The following UHMK1 variants were observed in gnomAD, a reference collection of about 807,000 sequenced individuals.
UHMK1 encodes the protein serine/threonine-protein kinase Kist.
UHMK1 carries 18 observed loss-of-function variants against 44.0 expected under a neutral mutation model. The ratio of observed to expected loss-of-function variants is 0.41; its 90% confidence interval spans 0.28 to 0.61. The LOEUF (loss-of-function observed/expected upper bound fraction) is 0.61. Among genes scored for constraint, UHMK1 ranks in the 20% least tolerant of loss-of-function variants. The pLI is 0.31. For missense variants in UHMK1, 463 were observed against 522.5 expected, an observed-to-expected ratio of 0.89 and a Z score of 1.11; for synonymous variants, 231 against 198.5, an observed-to-expected ratio of 1.16 and a Z score of -1.38.
intron 7 of UHMK1, among the ~76,000 whole-genome samples, chr1:162,520,327 T>A (rs755044550): frequency 6.6e-6 from 1 of 152,240 alleles, no homozygotes; most frequent in Non-Finnish European, 1.5e-5. Context: ...TAGTTTTACA[T>A]TTAGTATCAC....
At chr1:162,516,275 C>A (rs925357334) in intron 6 of UHMK1, among the ~76,000 whole-genome samples, 1 of 152,138 alleles carries the variant, frequency 6.6e-6, no homozygotes, top group African/African-American at 2.4e-5. Context: ...ACAGGGTCAT[C>A]ATGAAATAAC....
chr1:162,519,457 A>G (rs540639811), intron 7 of UHMK1, among the ~76,000 whole-genome samples: 1 of 152,314 alleles, frequency 6.6e-6, no homozygotes, highest in South Asian at 2.1e-4. Context: ...AATAGAAACT[A>G]TCAGTGATAG....
chr1:162,510,794 A>G (rs1222466964), intron 4 of UHMK1, among the ~76,000 whole-genome samples: 1 of 152,074 alleles, frequency 6.6e-6, no homozygotes, highest in Non-Finnish European at 1.5e-5. Context: ...GTATCTCTTC[A>G]TCATACTGAT....
At chr1:162,517,872 C>T (rs1422807641) in intron 6 of UHMK1, among the ~76,000 whole-genome samples, 5 of 150,098 alleles carry the variant, frequency 3.3e-5, no homozygotes, top group African/African-American at 1.2e-4. Context: ...GAGACTCTGT[C>T]TAAAAAAAAA....
At chr1:162,519,238 A>C (rs1039301706) in intron 7 of UHMK1, among the ~76,000 whole-genome samples, 1 of 150,268 alleles carries the variant, frequency 6.7e-6, no homozygotes, top group South Asian at 2.1e-4. Context: ...ATTTGCTTGA[A>C]CTTGGGAGGC....
At position 162,498,148 on chromosome 1, in the gene UHMK1, C is replaced by T. The variant is rs777900369; in HGVS notation, c.148C>T (p.Pro50Ser). 2.5e-6 allele frequency: 4 copies of T among 1,612,844 alleles called. No homozygotes were observed. The East Asian group carries it at 6.7e-5, about 27-fold the overall frequency. ...VRCCGNPGSP[P>S]GALKQFLPPG... is the part of the protein sequence containing the mutation. ...CTGCTGCGGCAACCCTGGCTCGCCC[C>T]CCGGCGCCCTCAAGCAGTTCTTGCC... The change falls in exon 1 of 8, where the codon CCC (proline) becomes TCC (serine). Residue 50 changes from proline to serine, a missense_variant. Pro to Ser is a moderately conservative substitution (Grantham distance 74). Around this residue, in one of 3 missense-constraint regions of UHMK1, gnomAD observed 191 missense variants for 176.0 expected, o/e 1.09. Coordinates refer to ENST00000489294, the MANE Select transcript of UHMK1 (RefSeq NM_175866.5).
chr1:162,500,513 T>C, intron 2 of UHMK1: 1 of 441,316 alleles, frequency 2.3e-6, no homozygotes, highest in Non-Finnish European at 4.0e-6. Flanking sequence ...AATGGTTTTT[T>C]AAATTTTATG....
In UHMK1 at chr1:162,526,829, G is replaced by A. The variant is rs1450394232; in HGVS notation, c.*4279G>A. The A allele has an allele frequency of 1.3e-5, 2 of 151,998 alleles. No homozygotes were observed. Among genetic ancestry groups the A allele is most frequent in the Admixed American group, 6.6e-5 (1 of 15,240 alleles). The allele number at this position is 151,998 out of a possible 1,614,324, so 9.4% of individuals were successfully genotyped here. On this transcript the variant is annotated 3_prime_UTR_variant, in exon 8 of 8. Transcript: ENST00000489294. The stretch of plus-strand genomic sequence containing the variant: ...AATTCTTCCTTGGATCTCTAGTTCT[G>A]TTTTTAATATCAGGTTCCTTCATCA...
intron 7 of UHMK1, 135 bp from the exon 8 acceptor site, chr1:162,522,269 C>T: frequency 1.1e-6 from 1 of 912,378 alleles, no homozygotes. Flanking sequence ...ACTCAGGCGA[C>T]ATCTCAGACC....
rs1024052127 is a variant in UHMK1 at position 162,524,178 on chromosome 1, AGG to A, written c.*1629_*1630del. 6.6e-5 allele frequency: 10 copies of A among 152,108 alleles called. No homozygotes were observed. The highest frequency in any genetic ancestry group is 6.5e-4 in the Admixed American group (10 of 15,278). The allele number at this position is 152,108 out of a possible 1,614,324, so 9.4% of individuals were successfully genotyped here. ...TCATATTTCCTTATGTTTGCCATGC[AGG>A]TTGCTGAGAGTCCAGTTAGAATTTG... On this transcript the variant is annotated 3_prime_UTR_variant, in exon 8 of 8. Coordinates refer to ENST00000489294, the MANE Select transcript of UHMK1 (RefSeq NM_175866.5).
At chr1:162,513,433 T>C (rs1651736791) in intron 6 of UHMK1, among the ~76,000 whole-genome samples, 1 of 152,342 alleles carries the variant, frequency 6.6e-6, no homozygotes, top group South Asian at 2.1e-4. Flanking sequence ...ACATATTAAC[T>C]GAGTATTTAC....
chr1:162,513,078 A>C (rs1377395680), intron 6 of UHMK1: 1 of 373,342 alleles, frequency 2.7e-6, no homozygotes, highest in Non-Finnish European at 5.1e-6. Flanking sequence ...AGTAGCTGAG[A>C]TTACAGGCAT....
intron 4 of UHMK1, among the ~76,000 whole-genome samples, chr1:162,504,672 A>C (rs1324422664): frequency 1.3e-5 from 2 of 152,208 alleles, no homozygotes; most frequent in Non-Finnish European, 2.9e-5. Flanking sequence ...TGGGTAATTC[A>C]GTGAGTGAGT....
intron 4 of UHMK1, among the ~76,000 whole-genome samples, chr1:162,509,314 G>A (rs1312209380): frequency 6.6e-6 from 1 of 152,030 alleles, no homozygotes; most frequent in African/African-American, 2.4e-5. Context: ...GTGTTCCCAA[G>A]ATTTCTTCTC....
intron 4 of UHMK1, among the ~76,000 whole-genome samples, chr1:162,507,648 G>A (rs1193895419): frequency 6.8e-6 from 1 of 146,782 alleles, no homozygotes; most frequent in Non-Finnish European, 1.5e-5. Context: ...GTGCAGTGGC[G>A]TGATCTCGGC....
intron 4 of UHMK1, among the ~76,000 whole-genome samples, chr1:162,506,728 G>A (rs1216028777): frequency 1.3e-5 from 2 of 152,142 alleles, no homozygotes; most frequent in Non-Finnish European, 2.9e-5. Flanking sequence ...AGCCGGGCCT[G>A]GTGGCACGTG....
chr1:162,514,651 C>A (rs1381875965), intron 6 of UHMK1, among the ~76,000 whole-genome samples: 1 of 152,144 alleles, frequency 6.6e-6, no homozygotes, highest in African/African-American at 2.4e-5. Context: ...GCCAATCTAT[C>A]TAAATGCAGT....
At chr1:162,514,841 TG>T (rs1459428989) in intron 6 of UHMK1, among the ~76,000 whole-genome samples, 1 of 152,206 alleles carries the variant, frequency 6.6e-6, no homozygotes, top group Non-Finnish European at 1.5e-5. Flanking sequence ...TGAAATAGGT[TG>T]GAAGAGAAAG....
In UHMK1 at chr1:162,525,463, C is replaced by T. The variant is rs1200734769; in HGVS notation, c.*2913C>T. On this transcript the variant is annotated 3_prime_UTR_variant, in exon 8 of 8. Transcript: ENST00000489294. ...TGGGGTATTACTGTGGCACATTGTACACCCAGAAAAGGCACATACAGTGAT... is the reference window on the plus strand; with the variant it reads ...TGGGGTATTACTGTGGCACATTGTATACCCAGAAAAGGCACATACAGTGAT... The T allele has an allele frequency of 6.6e-6, 1 of 152,136 alleles. No homozygotes were observed. Among genetic ancestry groups the T allele is most frequent in the African/African-American group, 2.4e-5 (1 of 41,420 alleles). 9.4% of individuals were successfully genotyped at this position (152,136 alleles called of 1,614,324 possible).
Sources: gnomAD v4.1 joint callset for allele counts (sites outside exome capture counted in the v4.1 genomes callset) on GRCh38, gnomAD v4.1.1 for gene constraint, gnomAD v4.1.1 regional missense constraint, MANE v1.5 for transcripts, NCBI Gene and HGNC (gene_info 2026-07-23, HGNC 2026-07-21) for gene names.